The following ADARB2 variants were observed in gnomAD, a reference collection of about 807,000 sequenced individuals.
ADARB2 encodes inactive double-stranded RNA-specific editase B2.
A neutral mutation model predicts 62.2 loss-of-function variants in ADARB2; 25 were observed. The ratio of observed to expected loss-of-function variants is 0.40; its 90% CI spans 0.29 to 0.56. The LOEUF is 0.56. ADARB2 is among the 20% of genes least tolerant of loss of function. ADARB2 has a pLI of 0.43. For missense variants in ADARB2, 1,071 were observed against 1,077.4 expected (o/e 0.99, Z 0.08); for synonymous variants, 572 against 500.8 (o/e 1.14, Z -1.90).
At chr10:1,576,984 C>A (rs1342912379) in intron 1 of ADARB2, among the ~76,000 whole-genome samples, 2 of 152,182 alleles carry the variant, frequency 1.3e-5, no homozygotes, top group Admixed American at 1.3e-4. Context: ...GGGTAGGTTG[C>A]TGGCCCGGGG....
At chr10:1,268,197 G>T (rs1831224648) in intron 4 of ADARB2, among the ~76,000 whole-genome samples, 1 of 152,166 alleles carries the variant, frequency 6.6e-6, no homozygotes. Context: ...TAGAAATATA[G>T]AAGTATGTAG....
intron 1 of ADARB2, among the ~76,000 whole-genome samples, chr10:1,638,420 G>A (rs1833939580): frequency 6.6e-6 from 1 of 152,072 alleles, no homozygotes; most frequent in Non-Finnish European, 1.5e-5. Context: ...AAGCCATAAT[G>A]CATGTAGCTC....
chr10:1,485,383 T>C (rs529784896), intron 1 of ADARB2, among the ~76,000 whole-genome samples: 1 of 152,188 alleles, frequency 6.6e-6, no homozygotes, highest in South Asian at 2.1e-4. Flanking sequence ...CACTAATAGA[T>C]AGATCTCTAC....
chr10:1,544,036 A>G (rs1407010670), intron 1 of ADARB2, among the ~76,000 whole-genome samples: 2 of 151,590 alleles, frequency 1.3e-5, no homozygotes, highest in Non-Finnish European at 2.9e-5. Context: ...AAAACACACA[A>G]AATGGTGACC....
At chr10:1,330,607 A>G (rs1435170785) in intron 3 of ADARB2, among the ~76,000 whole-genome samples, 1 of 152,240 alleles carries the variant, frequency 6.6e-6, no homozygotes, top group African/African-American at 2.4e-5. Flanking sequence ...GTTCTACTCA[A>G]CGTTGCACTG....
chr10:1,412,615 C>T (rs1456471508), intron 1 of ADARB2, among the ~76,000 whole-genome samples: 2 of 152,070 alleles, frequency 1.3e-5, no homozygotes, highest in African/African-American at 2.4e-5. Flanking sequence ...GGCCGGACCG[C>T]GTTTCAGGTA....
At chr10:1,520,083 T>C (rs1315806018) in intron 1 of ADARB2, among the ~76,000 whole-genome samples, 1 of 152,206 alleles carries the variant, frequency 6.6e-6, no homozygotes, top group African/African-American at 2.4e-5. Flanking sequence ...GTGTTTTCCA[T>C]AAAACCAAAA....
chr10:1,447,154 A>G (rs1342893452), intron 1 of ADARB2, among the ~76,000 whole-genome samples: 2 of 152,230 alleles, frequency 1.3e-5, no homozygotes, highest in Admixed American at 1.3e-4. Context: ...TGCACGGGTC[A>G]GTGGGATACT....
intron 4 of ADARB2, among the ~76,000 whole-genome samples, chr10:1,244,030 G>A (rs564331333): frequency 7.2e-5 from 11 of 152,344 alleles, no homozygotes; most frequent in African/African-American, 1.7e-4. Context: ...AGCAGCTGCC[G>A]GGTTCCAGGT....
intron 1 of ADARB2, among the ~76,000 whole-genome samples, chr10:1,449,727 T>G (rs1250722974): frequency 6.6e-6 from 1 of 152,230 alleles, no homozygotes; most frequent in Non-Finnish European, 1.5e-5. Flanking sequence ...CAGGGCTTTG[T>G]GCAAAGTGCT....
intron 1 of ADARB2, among the ~76,000 whole-genome samples, chr10:1,542,714 T>C (rs1358332677): frequency 2.0e-4 from 7 of 34,312 alleles, no homozygotes; most frequent in African/African-American, 7.1e-4. Flanking sequence ...ATCACAGCCG[T>C]CCAGACCCCA....
At chr10:1,356,853 G>A (rs1193071915) in intron 3 of ADARB2, among the ~76,000 whole-genome samples, 1 of 152,160 alleles carries the variant, frequency 6.6e-6, no homozygotes, top group Non-Finnish European at 1.5e-5. Context: ...AGTAAGTTAT[G>A]GAATTATTGA....
chr10:1,322,579 G>T (rs752889097), intron 3 of ADARB2, among the ~76,000 whole-genome samples: 2 of 152,140 alleles, frequency 1.3e-5, no homozygotes, highest in East Asian at 1.9e-4. Context: ...AACAAAACAG[G>T]CAAGGGAATT....
intron 1 of ADARB2, among the ~76,000 whole-genome samples, chr10:1,419,702 ATCG>A (rs1467482602): frequency 6.6e-6 from 1 of 152,238 alleles, no homozygotes; most frequent in Non-Finnish European, 1.5e-5. Context: ...AATGAATTAT[ATCG>A]TCCAAGGTTA....
intron 1 of ADARB2, among the ~76,000 whole-genome samples, chr10:1,551,744 G>A (rs1036363858): frequency 2.0e-5 from 3 of 152,246 alleles, no homozygotes; most frequent in Non-Finnish European, 4.4e-5. Context: ...TCTGGTGGCC[G>A]ATGGGCCCCA....
intron 1 of ADARB2, among the ~76,000 whole-genome samples, chr10:1,569,014 C>G (rs568029882): frequency 6.6e-6 from 1 of 151,816 alleles, no homozygotes; most frequent in Admixed American, 6.6e-5. Flanking sequence ...GAGAGAGACA[C>G]AGAGAGACAG....
intron 1 of ADARB2, among the ~76,000 whole-genome samples, chr10:1,500,640 G>A (rs551738806): frequency 6.6e-6 from 1 of 152,264 alleles, no homozygotes; most frequent in South Asian, 2.1e-4. Context: ...TGATTAGGGC[G>A]ATAAAAGAGA....
rs371127491 is a variant in ADARB2 at position 1,185,020 on chromosome 10, C to T, written c.1884G>A (p.Ala628=). 62 of 1,612,788 alleles carry T rather than the reference C, an allele frequency of 3.8e-5. No homozygotes were observed. Among genetic ancestry groups the T allele is most frequent in the African/African-American group, 9.3e-5 (7 of 75,042 alleles). The change falls in exon 9 of 10, where the codon GCG becomes GCA. Residue 628 remains alanine, a synonymous_variant. Coordinates refer to ENST00000381312, the MANE Select transcript of ADARB2 (RefSeq NM_018702.4). ...AGGGGGGCGACTTCCCCGGCTGGCG[C>T]GCCTCGGCGTCACTCACGCCTGTCG... ...PLLSGVSDAE[A]RQPGKSPPFS...
intron 1 of ADARB2, among the ~76,000 whole-genome samples, chr10:1,731,974 A>G (rs1348735665): frequency 6.6e-6 from 1 of 152,230 alleles, no homozygotes; most frequent in Admixed American, 6.5e-5. Flanking sequence ...AGTAATTAAG[A>G]ACCAAATTTA....
Sources: allele counts gnomAD v4.1 joint callset (sites outside exome capture counted in the v4.1 genomes callset), GRCh38; gene constraint gnomAD v4.1.1; transcripts MANE v1.5; gene names NCBI Gene and HGNC (gene_info 2026-07-23, HGNC 2026-07-21).